SORCS3: variants seen among roughly 807,000 people sequenced by gnomAD.
SORCS3 encodes the protein VPS10 domain-containing receptor SorCS3.
Under a neutral mutation model 146.3 loss-of-function variants are expected in SORCS3, and 57 were observed. The ratio of observed to expected loss-of-function variants is 0.39; its 90% CI spans 0.31 to 0.49. SORCS3 has a LOEUF of 0.49. Ranked by LOEUF, SORCS3 falls within the 20% of genes least tolerant of loss-of-function variation. The pLI is 0.92. For missense variants in SORCS3, 1,341 were observed against 1,575.5 expected, an observed-to-expected ratio of 0.85 and a Z score of 2.52; for synonymous variants, 653 against 618.5, an observed-to-expected ratio of 1.06 and a Z score of -0.83.
intron 5 of SORCS3, among the ~76,000 whole-genome samples, chr10:105,075,573 C>A (rs760951213): frequency 4.0e-4 from 61 of 152,126 alleles, no homozygotes; most frequent in Non-Finnish European, 8.8e-5. Flanking sequence ...GGAGTGACAC[C>A]TTGGGGACCT....
chr10:105,235,966 A>G (rs2056791035), intron 20 of SORCS3, among the ~76,000 whole-genome samples: 1 of 152,106 alleles, frequency 6.6e-6, no homozygotes, highest in Admixed American at 6.6e-5. Flanking sequence ...TACTCAATAA[A>G]TGGGTGCTTT....
intron 1 of SORCS3, among the ~76,000 whole-genome samples, chr10:104,697,983 C>T (rs2016236521): frequency 6.6e-6 from 1 of 152,150 alleles, no homozygotes; most frequent in Admixed American, 6.5e-5. Flanking sequence ...ATGCTGCCTG[C>T]ACCTGTTGTG....
At chr10:105,208,388 A>T (rs1564785146) in intron 16 of SORCS3, among the ~76,000 whole-genome samples, 1 of 151,202 alleles carries the variant, frequency 6.6e-6, no homozygotes, top group Non-Finnish European at 1.5e-5. Flanking sequence ...CCAGTGGTGT[A>T]CTTGTAAATA....
intron 3 of SORCS3, among the ~76,000 whole-genome samples, chr10:104,974,079 G>A (rs1229751089): frequency 6.6e-6 from 1 of 152,102 alleles, no homozygotes; most frequent in African/African-American, 2.4e-5. Context: ...TATAATTTCT[G>A]TTCTTTTACA....
intron 4 of SORCS3, among the ~76,000 whole-genome samples, chr10:105,041,289 T>C (rs2055336352): frequency 6.7e-6 from 1 of 148,896 alleles, no homozygotes; most frequent in African/African-American, 2.4e-5. Flanking sequence ...GAAGAGGTCC[T>C]CTTCCCCACA....
At chr10:105,209,087 G>C (rs2056619217) in intron 16 of SORCS3, among the ~76,000 whole-genome samples, 2 of 152,154 alleles carry the variant, frequency 1.3e-5, no homozygotes, top group Admixed American at 1.3e-4. Flanking sequence ...TCAGTTATGG[G>C]CCCACAGTCT....
intron 1 of SORCS3, among the ~76,000 whole-genome samples, chr10:104,804,748 G>T (rs1465156856): frequency 6.6e-6 from 1 of 152,208 alleles, no homozygotes; most frequent in East Asian, 1.9e-4. Flanking sequence ...AAGATTTGGA[G>T]ATTTGATACC....
At chr10:104,926,817 A>G (rs919401997) in intron 3 of SORCS3, among the ~76,000 whole-genome samples, 3 of 152,266 alleles carry the variant, frequency 2.0e-5, no homozygotes, top group African/African-American at 7.2e-5. Flanking sequence ...GCTCTGGCCA[A>G]GAATTTATTT....
rs528430204 is a variant in SORCS3, at chr10:104,770,622, C to G, written c.628-72170C>G. Reference sequence around the variant, plus strand: ...ATTGCTTGAGCCCAGGAGTTCAAGACCAGCTTTGGCAACATAGCAAAACCC... The same window carrying G: ...ATTGCTTGAGCCCAGGAGTTCAAGAGCAGCTTTGGCAACATAGCAAAACCC... On this transcript the variant is annotated intron_variant, in intron 1 of 26. Transcript: ENST00000369701. Among the ~76,000 whole-genome samples, 5 of 152,038 alleles carry G rather than the reference C, an allele frequency of 3.3e-5. No homozygotes were observed. The East Asian group carries it at 9.7e-4, about 29-fold the overall frequency.
intron 1 of SORCS3, among the ~76,000 whole-genome samples, chr10:104,746,260 C>T (rs1218953763): frequency 6.6e-6 from 1 of 151,904 alleles, no homozygotes; most frequent in Non-Finnish European, 1.5e-5. Context: ...CCTCAGCCTC[C>T]CCAGTAGCTG....
chr10:104,938,204 T>G (rs537471040), intron 3 of SORCS3, among the ~76,000 whole-genome samples: 1 of 152,300 alleles, frequency 6.6e-6, no homozygotes, highest in Non-Finnish European at 1.5e-5. Flanking sequence ...TTCTCAGTAG[T>G]TAGCTGGTAA....
Position 105,256,877 on chromosome 10 carries a change from AGTGGTATTT to A in SORCS3, c.3399_3407del (p.Val1134_Val1136del). 1 of 1,614,158 alleles carries A rather than the reference AGTGGTATTT, an allele frequency of 6.2e-7. No homozygotes were observed. The highest frequency in any genetic ancestry group is 8.5e-7 in the Non-Finnish European group (1 of 1,180,022). On this transcript the variant is annotated inframe_deletion, in exon 25 of 27. Coordinates refer to ENST00000369701, the MANE Select transcript of SORCS3 (RefSeq NM_014978.3). The stretch of plus-strand genomic sequence containing the variant: ...GCTCAGCCATGCTTATGCTATTATC[AGTGGTATTT>A]GTTGGCCTGGCTGTGTTTTTGATCT...
At chr10:105,208,911 C>A (rs11192362) in intron 16 of SORCS3, among the ~76,000 whole-genome samples, 49,082 of 151,842 alleles carry the variant, frequency 0.32, 8,028 homozygotes, top group South Asian at 0.44. Flanking sequence ...TACTTGGCAG[C>A]AGTGTCTGTT....
intron 3 of SORCS3, among the ~76,000 whole-genome samples, chr10:104,942,522 T>G (rs975258643): frequency 1.7e-4 from 26 of 152,232 alleles, no homozygotes; most frequent in Middle Eastern, 3.2e-3. Flanking sequence ...TAATCCTTTT[T>G]ATGAACATAG....
intron 23 of SORCS3, 119 bp downstream of exon 23, chr10:105,253,025 T>C (rs777397217): frequency 2.2e-5 from 26 of 1,187,946 alleles, no homozygotes; most frequent in Non-Finnish European, 2.9e-5. Flanking sequence ...ACAGCCAAGG[T>C]TTTGAAGAGC....
chr10:104,952,658 T>A (rs945052310), intron 3 of SORCS3, among the ~76,000 whole-genome samples: 1 of 152,186 alleles, frequency 6.6e-6, no homozygotes, highest in South Asian at 2.1e-4. Flanking sequence ...CTTACTCTTT[T>A]CTGATAAAAG....
At chr10:105,242,726 TTA>T (rs1233276678) in intron 20 of SORCS3, among the ~76,000 whole-genome samples, 7 of 105,152 alleles carry the variant, frequency 6.7e-5, no homozygotes, top group Non-Finnish European at 1.0e-4. Flanking sequence ...TTATATACAT[TTA>T]TATATATTTA....
At chr10:104,761,110 C>G (rs1329719415) in intron 1 of SORCS3, among the ~76,000 whole-genome samples, 1 of 152,104 alleles carries the variant, frequency 6.6e-6, no homozygotes, top group African/African-American at 2.4e-5. Context: ...TTGTTTAGCC[C>G]TTTGATCTTC....
rs79261796 is a variant in SORCS3 at position 105,019,640 on chromosome 10, C to T, written c.955-23415C>T. On this transcript the variant is annotated intron_variant, in intron 4 of 26. Coordinates refer to ENST00000369701, the MANE Select transcript of SORCS3 (RefSeq NM_014978.3). ...TTCCTTTCATCTAATCAATGTTAAG[C>T]GTGGCTATTTATCAAGTGTCTCCTA... Among the ~76,000 whole-genome samples, 2,015 of 152,218 alleles carry T rather than the reference C, an allele frequency of 0.013. 77 individuals carry two copies. In the East Asian group the frequency reaches 0.15, roughly 11 times the overall value.
Sources: gnomAD v4.1 joint callset for allele counts (sites outside exome capture counted in the v4.1 genomes callset) on GRCh38, gnomAD v4.1.1 for gene constraint, MANE v1.5 for transcripts, NCBI Gene and HGNC (gene_info 2026-07-23, HGNC 2026-07-21) for gene names.